Variants in CARD10 observed in about 807,000 individuals in gnomAD.
CARD10 encodes the protein caspase recruitment domain-containing protein 10.
A neutral mutation model predicts 114.6 loss-of-function variants in CARD10; 49 were observed. The ratio of observed to expected loss-of-function variants is 0.43; its 90% CI spans 0.34 to 0.54. The LOEUF is 0.54. Ranked by LOEUF, CARD10 falls within the 20% of genes least tolerant of loss-of-function variation. The pLI, the probability that CARD10 is intolerant of heterozygous loss-of-function variation, is 0.03. For missense variants in CARD10, 1,206 were observed against 1,397.2 expected (o/e 0.86, Z 2.18); for synonymous variants, 602 against 593.2 (o/e 1.01, Z -0.21).
Position 37,494,415 on chromosome 22 carries a change from C to T in CARD10, c.2374-227G>A, listed in dbSNP as rs56406454. ...TGAGAGCAGCCATCCCTGTGGCCCC[C>T]GGGAAGCCAGCCCGTCTGAGCCTGG... On this transcript the variant is annotated intron_variant, in intron 15 of 19. Transcript: ENST00000251973. The T allele has an allele frequency of 2.4e-3, 1,389 of 572,498 alleles. 18 individuals are homozygous for T. The highest frequency in any genetic ancestry group is 0.018 in the East Asian group (627 of 34,326). The allele number at this position is 572,498 out of a possible 1,614,324, so 35.5% of individuals were successfully genotyped here.
intron 11 of CARD10, among the ~76,000 whole-genome samples, chr22:37,502,158 G>A (rs1923239024): frequency 6.6e-6 from 1 of 152,224 alleles, no homozygotes; most frequent in Non-Finnish European, 1.5e-5. Context: ...GGCTCCTGAG[G>A]TGACCCAAGC....
intron 3 of CARD10, among the ~76,000 whole-genome samples, chr22:37,511,498 G>A (rs1174980642): frequency 3.4e-5 from 5 of 148,772 alleles, no homozygotes; most frequent in Non-Finnish European, 6.0e-5. Flanking sequence ...AGAGTGGGAG[G>A]AGGAAAGAAG....
Position 37,504,437 on chromosome 22 carries a change from T to C in CARD10, c.1519-136A>G, listed in dbSNP as rs1923332812. The C allele has an allele frequency of 3.8e-6, 4 of 1,065,106 alleles. No individual in the cohort carries two copies. The African/African-American group carries it at 4.8e-5, about 13-fold the overall frequency. The allele number at this position is 1,065,106 out of a possible 1,614,324, so 66.0% of individuals were successfully genotyped here. A position where few individuals can be genotyped will look rare whatever the true frequency, so the allele number is the denominator to read the frequency against. ...AAGAGCGGGCTCTGCAAGATTATAG[T>C]GTGCGGGTGGCTCCCCACGCCTCCT... On this transcript the variant is annotated intron_variant, in intron 8 of 19. Transcript: ENST00000251973.
At chr22:37,516,795 C>T (rs1923858898) in intron 2 of CARD10, among the ~76,000 whole-genome samples, 2 of 152,274 alleles carry the variant, frequency 1.3e-5, no homozygotes, top group Admixed American at 1.3e-4. Context: ...TTTATGACAA[C>T]ACTGTAAGGT....
chr22:37,496,097 T>C lies in CARD10; in HGVS notation c.2060-94A>G, dbSNP rs1429979545. 11 of 1,495,528 alleles carry C rather than the reference T, an allele frequency of 7.4e-6. No homozygotes were observed. The highest frequency in any genetic ancestry group is 1.4e-5 in the African/African-American group (1 of 72,358). The allele number at this position is 1,495,528 out of a possible 1,614,324, so 92.6% of individuals were successfully genotyped here. On this transcript the variant is annotated intron_variant, in intron 13 of 19. Transcript: ENST00000251973. This position sits in a 1 kb window ranked among gnomAD's most constrained non-coding sequence, Gnocchi z 4.1. ...TGGTGGGGCCAAAGACATGGCCCTC[T>C]CGAGGCCTGAGTTCCCAGGACCCGA...
chr22:37,496,053 T>C lies in CARD10; in HGVS notation c.2060-50A>G, dbSNP rs1922992781. The C allele has an allele frequency of 6.2e-7, 1 of 1,602,916 alleles. No individual in the cohort carries two copies. Among genetic ancestry groups the C allele is most frequent in the Non-Finnish European group, 8.5e-7 (1 of 1,173,338 alleles). On this transcript the variant is annotated intron_variant, in intron 13 of 19. Transcript: ENST00000251973. The surrounding 1 kb of genome is among the most constrained non-coding windows in gnomAD (Gnocchi z 4.1). ...AGCAAGGAGGACAAGAGGAGGATGG[T>C]GAGGTCCAGGATCGGCCTTGGTGGG...
chr22:37,507,712 A>G (rs1923460506), intron 6 of CARD10, 117 bp downstream of exon 6: 1 of 1,320,804 alleles, frequency 7.6e-7, no homozygotes, highest in Non-Finnish European at 1.1e-6. Context: ...GTCCTAACCC[A>G]ACAGGGAGCG....
intron 16 of CARD10, among the ~76,000 whole-genome samples, chr22:37,493,593 T>C (rs531379437): frequency 6.6e-6 from 1 of 152,202 alleles, no homozygotes; most frequent in Admixed American, 6.5e-5. Context: ...GAACTCCTCT[T>C]TAACTTTGAA....
rs1569162684 is a variant in CARD10 at position 37,495,923 on chromosome 22, T to C, written c.2140A>G (p.Thr714Ala). The C allele has an allele frequency of 6.2e-7, 1 of 1,614,048 alleles. No homozygotes were observed. Among genetic ancestry groups the C allele is most frequent in the East Asian group, 2.2e-5 (1 of 44,872 alleles). Residue 714 changes from threonine (T) to alanine (A), a missense_variant, in exon 14 of 20, where the codon ACC becomes GCC. By Grantham distance (58) the Thr-to-Ala change is moderately conservative (BLOSUM62 0). Coordinates refer to ENST00000251973, the MANE Select transcript of CARD10 (RefSeq NM_014550.4). ...AEPFYIRANL[T>A]LPERADPHAL... ...TGGGGATCTGCCCTCTCAGGCAAGGTGAGGTTGGCACGAATGTAGAAGGGC... is the reference window on the plus strand; with the variant it reads ...TGGGGATCTGCCCTCTCAGGCAAGGCGAGGTTGGCACGAATGTAGAAGGGC...
At chr22:37,509,279 C>G in intron 4 of CARD10, 1 of 653,612 alleles carries the variant, frequency 1.5e-6, no homozygotes, top group Non-Finnish European at 2.4e-6. Flanking sequence ...CCTAGGGCCC[C>G]CAGGCCACAC....
chr22:37,497,364 C>A (rs1223650068), intron 11 of CARD10, 186 bp from the exon 12 acceptor site: 2 of 640,798 alleles, frequency 3.1e-6, no homozygotes, highest in Admixed American at 6.3e-5. Context: ...TCCTTCAAAT[C>A]TCAAGTCACA....
chr22:37,502,804 C>G (rs569297253), intron 10 of CARD10, 79 bp from the exon 11 acceptor site: 79 of 1,506,640 alleles, frequency 5.2e-5, no homozygotes, highest in Middle Eastern at 4.7e-4. Context: ...GACTGACCCC[C>G]CTCCAGCCCA....
chr22:37,510,091 G>C (rs1923577699), intron 4 of CARD10, 121 bp downstream of exon 4: 1 of 636,214 alleles, frequency 1.6e-6, no homozygotes, highest in African/African-American at 1.9e-5. Flanking sequence ...CCCTGGCCCT[G>C]CTACCTGCTG....
At chr22:37,493,784 G>A (rs1268713374) in intron 16 of CARD10, among the ~76,000 whole-genome samples, 11 of 152,098 alleles carry the variant, frequency 7.2e-5, no homozygotes, top group Admixed American at 2.0e-4. Flanking sequence ...CACCACACAC[G>A]TGTGAGAAGC....
rs904865380 is a variant in CARD10 at position 37,495,769 on chromosome 22, T to C, written c.2294A>G (p.Asn765Ser). ...CCTGGCTCTGCGTCACCTCTGATAA[T>C]TGGGCACGGTGCCCCGGTCCAGGTC... Reference protein sequence around the residue: ...LRDLDRGTVPNYQRAQQLLEV... With the variant: ...LRDLDRGTVPSYQRAQQLLEV... The change falls in exon 14 of 20, where the codon AAT becomes AGT. Residue 765 changes from asparagine (N) to serine (S), a missense_variant. Asn to Ser is a conservative substitution (Grantham distance 46, BLOSUM62 1). Transcript: ENST00000251973. 1 of 1,613,894 alleles carries C rather than the reference T, an allele frequency of 6.2e-7. No homozygotes were observed. Among genetic ancestry groups the C allele is most frequent in the Non-Finnish European group, 8.5e-7 (1 of 1,180,016 alleles).
chr22:37,518,889 G>C (rs1923932043), intron 1 of CARD10, 77 bp downstream of exon 1: 2 of 1,431,726 alleles, frequency 1.4e-6, no homozygotes, highest in South Asian at 1.4e-5. Context: ...CCCTAGCTTC[G>C]CGCTACACGG....
rs182820895 is a variant in CARD10, at chr22:37,513,179, T to G, written c.700-2758A>C. ...AAGCTGGAGTGCAGTGGCTCAATCT[T>G]GACTCACTGCAACCTCCACCTCCCG... On this transcript the variant is annotated intron_variant, in intron 3 of 19. Transcript: ENST00000251973. Among the ~76,000 whole-genome samples the G allele has an allele frequency of 1.6e-3, 245 of 152,220 alleles. 3 individuals carry two copies. The highest frequency in any genetic ancestry group is 5.5e-3 in the African/African-American group (227 of 41,540).
At position 37,518,124 on chromosome 22, in the gene CARD10, G is replaced by A. The variant is rs373517240; in HGVS notation, c.236-16C>T. The A allele has an allele frequency of 3.2e-5, 51 of 1,611,762 alleles. No homozygotes were observed. Among genetic ancestry groups the A allele is most frequent in the Non-Finnish European group, 4.2e-5 (50 of 1,178,564 alleles). Reference sequence around the variant, plus strand: ...ATCAGGCGCCCTACAGAGTAGTGGGGGGATGTACCCAGGGTCTAGGGGAAG... The same window carrying A: ...ATCAGGCGCCCTACAGAGTAGTGGGAGGATGTACCCAGGGTCTAGGGGAAG... On this transcript the variant is annotated splice_polypyrimidine_tract_variant and intron_variant, in intron 1 of 19. Transcript: ENST00000251973.
chr22:37,505,544 CAGGCACCT>C (rs761528830), intron 7 of CARD10, among the ~76,000 whole-genome samples: 12 of 151,334 alleles, frequency 7.9e-5, no homozygotes, highest in Non-Finnish European at 1.5e-4. Context: ...GGTATGGTGG[CAGGCACCT>C]GTAGTCCCAG....
Sources: gnomAD v4.1 joint callset for allele counts (sites outside exome capture counted in the v4.1 genomes callset) on GRCh38, gnomAD v4.1.1 for gene constraint, Gnocchi (gnomAD v3.1) non-coding constraint, MANE v1.5 for transcripts, NCBI Gene and HGNC (gene_info 2026-07-23, HGNC 2026-07-21) for gene names.